KIAA0753: variants seen among roughly 807,000 people sequenced by gnomAD.
The protein encoded by KIAA0753 is KIAA0753.
KIAA0753 carries 114 observed loss-of-function variants against 116.9 expected under a neutral mutation model. That is an observed-to-expected ratio of 0.98 (90% CI 0.84 to 1.14). KIAA0753 has a LOEUF of 1.14. Ranked by LOEUF, KIAA0753 falls within the 50% of genes most tolerant of loss-of-function variation. The pLI is 0.00. For synonymous variants in KIAA0753, 405 were observed against 413.1 expected, an observed-to-expected ratio of 0.98 and a Z score of 0.24; for missense variants, 1,156 against 1,172.4, an observed-to-expected ratio of 0.99 and a Z score of 0.20.
chr17:6,588,662 ATAAATG>A (rs1968760991), intron 18 of KIAA0753, among the ~76,000 whole-genome samples: 1 of 152,262 alleles, frequency 6.6e-6, no homozygotes, highest in South Asian at 2.1e-4. Context: ...ATGCTACTAT[ATAAATG>A]TAATTATAGT....
intron 9 of KIAA0753, among the ~76,000 whole-genome samples, 183 bp from the exon 10 acceptor site, chr17:6,608,647 A>G (rs56198859): frequency 0.015 from 2,322 of 152,344 alleles, 31 homozygotes; most frequent in Non-Finnish European, 0.026. Context: ...GCACAGTGTC[A>G]AAGGGCAGAA....
At chr17:6,624,443 T>C (rs1971524181) in intron 4 of KIAA0753, among the ~76,000 whole-genome samples, 3 of 152,000 alleles carry the variant, frequency 2.0e-5, no homozygotes, top group Admixed American at 2.0e-4. Context: ...ATATAATGTA[T>C]AAGCATCTTG....
In KIAA0753 at chr17:6,590,528, T is replaced by C; in HGVS notation, c.2543A>G (p.Glu848Gly). 1 of 1,614,072 alleles carries C rather than the reference T, an allele frequency of 6.2e-7. No individual in the cohort carries two copies. Among genetic ancestry groups the C allele is most frequent in the African/African-American group, 1.3e-5 (1 of 75,042 alleles). The stretch of plus-strand genomic sequence containing the variant: ...CACTTACTTGCCATTACAGGGCCTT[T>C]CTAACATGATGTTCACGGCTGGATC... ...RKDPAVNIML[E>G]RPCNGNSLDE... is the part of the protein sequence containing the mutation. Residue 848 changes from glutamate to glycine, a missense_variant, in exon 17 of 19, where the codon GAA becomes GGA. By Grantham distance (98) the Glu-to-Gly change is moderately conservative. Coordinates refer to ENST00000361413, the MANE Select transcript of KIAA0753 (RefSeq NM_014804.3).
intron 18 of KIAA0753, 85 bp downstream of exon 18, chr17:6,589,694 C>T (rs1366624264): frequency 9.8e-7 from 1 of 1,025,524 alleles, no homozygotes; most frequent in African/African-American, 1.6e-5. Flanking sequence ...GGGATAAGAC[C>T]TTGGCTAATG....
chr17:6,614,621 A>G (rs1970760230), intron 7 of KIAA0753, among the ~76,000 whole-genome samples: 2 of 152,168 alleles, frequency 1.3e-5, no homozygotes, highest in Admixed American at 6.5e-5. Context: ...ACTCGTCTAT[A>G]ATAGAATGAC....
intron 16 of KIAA0753, among the ~76,000 whole-genome samples, chr17:6,590,855 G>A (rs1041305967): frequency 1.3e-5 from 2 of 152,054 alleles, no homozygotes; most frequent in African/African-American, 2.4e-5. Flanking sequence ...TAATGAACTT[G>A]CTCTGAGGAA....
intron 2 of KIAA0753, among the ~76,000 whole-genome samples, chr17:6,633,581 A>T (rs1296069908): frequency 1.3e-5 from 2 of 152,166 alleles, no homozygotes; most frequent in Admixed American, 1.3e-4. Context: ...AAAGATCTGT[A>T]TAAGAATGTT....
intron 7 of KIAA0753, 107 bp from the exon 8 acceptor site, chr17:6,612,255 T>C: frequency 1.3e-6 from 1 of 767,522 alleles, no homozygotes; most frequent in Non-Finnish European, 2.1e-6. Flanking sequence ...ATCCTAGCCC[T>C]GCTGAGAAGC....
chr17:6,610,265 C>A, intron 8 of KIAA0753, 105 bp from the exon 9 acceptor site: 2 of 1,246,918 alleles, frequency 1.6e-6, no homozygotes, highest in South Asian at 1.5e-5. Flanking sequence ...ATTCATGCAT[C>A]CATTCGGTAA....
chr17:6,621,107 T>C, intron 6 of KIAA0753, 109 bp from the exon 7 acceptor site: 1 of 877,140 alleles, frequency 1.1e-6, no homozygotes, highest in Non-Finnish European at 1.8e-6. Context: ...TAAATGGCTA[T>C]CTCTAACAGT....
chr17:6,587,812 C>G (rs992653219), intron 18 of KIAA0753, among the ~76,000 whole-genome samples: 1 of 152,140 alleles, frequency 6.6e-6, no homozygotes, highest in Non-Finnish European at 1.5e-5. Context: ...CACTTGAATA[C>G]AAGGAAATAA....
intron 12 of KIAA0753, 139 bp from the exon 13 acceptor site, chr17:6,600,597 G>A: frequency 1.6e-6 from 1 of 625,442 alleles, no homozygotes; most frequent in Non-Finnish European, 2.8e-6. Context: ...CAATCTCCTG[G>A]GGATCTTGTG....
intron 6 of KIAA0753, among the ~76,000 whole-genome samples, chr17:6,621,224 GACAT>G (rs1366177285): frequency 6.6e-6 from 1 of 152,060 alleles, no homozygotes; most frequent in Non-Finnish European, 1.5e-5. Flanking sequence ...CAATAGCAAA[GACAT>G]AATGAATATG....
intron 12 of KIAA0753, among the ~76,000 whole-genome samples, chr17:6,601,640 A>G (rs1969881646): frequency 6.6e-6 from 1 of 152,250 alleles, no homozygotes; most frequent in Admixed American, 6.5e-5. Flanking sequence ...ATTTCATCTC[A>G]TACACAAAAA....
chr17:6,620,019 C>T (rs1971196234), intron 7 of KIAA0753, among the ~76,000 whole-genome samples: 2 of 152,096 alleles, frequency 1.3e-5, no homozygotes, highest in African/African-American at 4.8e-5. Flanking sequence ...GTACCTCAGA[C>T]CAACAAAATG....
rs1229465596 is a variant in KIAA0753, at chr17:6,589,831, T to G, written c.2734A>C (p.Ile912Leu). The G allele has an allele frequency of 1.9e-6, 3 of 1,614,068 alleles. No homozygotes were observed. Among genetic ancestry groups the G allele is most frequent in the South Asian group, 1.1e-5 (1 of 91,060 alleles). ...GAGCCTACAGCCTCATGAGATATGA[T>G]CCGAAGGTACTGCTCAAAACGACTA... ...YCSRFEQYLR[I>L]ISHEAVGSFN... The change falls in exon 18 of 19, where the codon ATC becomes CTC. Residue 912 changes from isoleucine (I) to leucine (L), a missense_variant. Physicochemically the swap from Ile to Leu is conservative, Grantham distance 5 (BLOSUM62 2). Transcript: ENST00000361413.
chr17:6,614,945 T>C (rs1020242635), intron 7 of KIAA0753, among the ~76,000 whole-genome samples: 1 of 152,160 alleles, frequency 6.6e-6, no homozygotes, highest in African/African-American at 2.4e-5. Flanking sequence ...ATTACAGGCA[T>C]GTGCCACCAC....
intron 12 of KIAA0753, 141 bp downstream of exon 12, chr17:6,606,732 T>A (rs1163951737): frequency 1.6e-6 from 1 of 627,286 alleles, no homozygotes; most frequent in Non-Finnish European, 2.8e-6. Flanking sequence ...AAATATGGTA[T>A]AATATACAGG....
intron 12 of KIAA0753, among the ~76,000 whole-genome samples, chr17:6,602,261 C>T (rs1024063534): frequency 6.6e-6 from 1 of 152,156 alleles, no homozygotes; most frequent in Non-Finnish European, 1.5e-5. Context: ...AAATTATACT[C>T]CTAGGCATTT....
Sources: allele counts gnomAD v4.1 joint callset (sites outside exome capture counted in the v4.1 genomes callset), GRCh38; gene constraint gnomAD v4.1.1; transcripts MANE v1.5; gene names NCBI Gene and HGNC (gene_info 2026-07-23, HGNC 2026-07-21).